The following TACC2 variants were observed in gnomAD, a reference collection of about 807,000 sequenced individuals.
TACC2 encodes transforming acidic coiled-coil containing protein 2.
A neutral mutation model predicts 227.3 loss-of-function variants in TACC2; 137 were observed. The ratio of observed to expected loss-of-function variants is 0.60; its 90% CI spans 0.52 to 0.69. The LOEUF is 0.69. TACC2 is among the 30% of genes least tolerant of loss of function. TACC2 has a pLI of 0.00. For synonymous variants in TACC2, 1,523 were observed against 1,487.5 expected (o/e 1.02, Z -0.55); for missense variants, 3,470 against 3,694.4 (o/e 0.94, Z 1.57).
At chr10:121,999,419 T>C (rs1953993953) in intron 1 of TACC2, among the ~76,000 whole-genome samples, 1 of 152,266 alleles carries the variant, frequency 6.6e-6, no homozygotes, top group Admixed American at 6.5e-5. Context: ...CAAGTTAGAA[T>C]CTGACAAAGT....
At chr10:122,220,121 C>T (rs2095495516) in intron 11 of TACC2, among the ~76,000 whole-genome samples, 2 of 151,818 alleles carry the variant, frequency 1.3e-5, no homozygotes, top group African/African-American at 4.8e-5. Context: ...GTTTTACCAT[C>T]AGGAACCAAA....
chr10:122,213,275 C>T (rs778898723), intron 9 of TACC2: 14 of 1,528,786 alleles, frequency 9.2e-6, no homozygotes, highest in Non-Finnish European at 1.3e-5. Context: ...AACCAGTTGT[C>T]TGCAGATTTA....
At chr10:122,011,743 A>G (rs1955953492) in intron 1 of TACC2, among the ~76,000 whole-genome samples, 1 of 152,140 alleles carries the variant, frequency 6.6e-6, no homozygotes, top group African/African-American at 2.4e-5. Flanking sequence ...GGGAATCTGA[A>G]ACAACATCTT....
chr10:122,052,819 A>G (rs1348774810), intron 3 of TACC2: 2 of 152,162 alleles, frequency 1.3e-5, no homozygotes, highest in Admixed American at 1.3e-4. Flanking sequence ...TAACTCAGAA[A>G]CCATCTATCG....
At chr10:122,131,419 T>C (rs2088084151) in intron 5 of TACC2, among the ~76,000 whole-genome samples, 1 of 152,148 alleles carries the variant, frequency 6.6e-6, no homozygotes, top group Non-Finnish European at 1.5e-5. Context: ...ACGATGGGTG[T>C]CCAAGGACTG....
intron 3 of TACC2, among the ~76,000 whole-genome samples, chr10:122,054,935 G>T (rs1222991676): frequency 1.3e-5 from 2 of 152,070 alleles, no homozygotes; most frequent in African/African-American, 4.8e-5. Context: ...TTTAAGAAGG[G>T]TGGGCAGGGC....
intron 4 of TACC2, 39 bp downstream of exon 4, chr10:122,087,998 A>G: frequency 6.7e-7 from 1 of 1,490,868 alleles, no homozygotes; most frequent in Non-Finnish European, 8.9e-7. Flanking sequence ...ATGTGTGGTC[A>G]GTTTCAAAGG....
chr10:122,138,464 C>T (rs561525444), intron 6 of TACC2, among the ~76,000 whole-genome samples: 17 of 151,874 alleles, frequency 1.1e-4, no homozygotes, highest in African/African-American at 3.1e-4. Context: ...GAGCCGAGAT[C>T]GTGCCATTGT....
Position 122,060,764 on chromosome 10 carries a change from G to A in TACC2, c.146+10214G>A, listed in dbSNP as rs548753009. Among the ~76,000 whole-genome samples the A allele has an allele frequency of 2.0e-5, 3 of 152,314 alleles. No individual in the cohort carries two copies. In the South Asian group the frequency reaches 6.2e-4, roughly 32 times the overall value. On this transcript the variant is annotated intron_variant, in intron 3 of 22. Coordinates refer to ENST00000369005, the MANE Select transcript of TACC2 (RefSeq NM_206862.4). ...TCATGTCTGTAATCCCAGCACTTTG[G>A]GAGGCCAAGGTGGGCGGATCACCTG...
In TACC2 at chr10:122,085,448, C is replaced by T; in HGVS notation, c.2948C>T (p.Thr983Ile). The T allele has an allele frequency of 6.2e-7, 1 of 1,613,840 alleles. No homozygotes were observed. The highest frequency in any genetic ancestry group is 8.5e-7 in the Non-Finnish European group (1 of 1,180,048). The change falls in exon 4 of 23, where the codon ACT becomes ATT. Residue 983 changes from threonine to isoleucine, a missense_variant. Coordinates refer to ENST00000369005, the MANE Select transcript of TACC2 (RefSeq NM_206862.4). The part of the protein sequence containing the change: ...SLAGNFSRKE[T>I]CCTGQGPNKS... ...GCAGGGAACTTCAGCAGAAAGGAAA[C>T]TTGCTGCACTGGGCAGGGGCCAAAC...
At chr10:122,233,380 G>A (rs1010575055) in intron 16 of TACC2, among the ~76,000 whole-genome samples, 2 of 152,192 alleles carry the variant, frequency 1.3e-5, no homozygotes, top group African/African-American at 4.8e-5. Context: ...ATATAAAGAC[G>A]GAAGGATGTG....
chr10:122,148,113 T>TG (rs1485204227), intron 7 of TACC2, among the ~76,000 whole-genome samples: 1 of 151,498 alleles, frequency 6.6e-6, no homozygotes, highest in African/African-American at 2.4e-5. Context: ...TTTTTTTTTT[T>TG]TTTTTTTTAG....
At chr10:122,237,293 CAA>C (rs1307131578) in intron 16 of TACC2, 100 bp from the exon 17 acceptor site, 1 of 1,181,756 alleles carries the variant, frequency 8.5e-7, no homozygotes, top group Non-Finnish European at 1.2e-6. Flanking sequence ...TTCTTTGTTT[CAA>C]AACCATACAA....
rs557082563 is a variant in TACC2, at chr10:122,063,353, C to T, written c.146+12803C>T. Among the ~76,000 whole-genome samples the T allele has an allele frequency of 3.3e-5, 5 of 152,190 alleles. No individual in the cohort carries two copies. In the South Asian group the frequency reaches 8.3e-4, roughly 25 times the overall value. On this transcript the variant is annotated intron_variant, in intron 3 of 22. Coordinates refer to ENST00000369005, the MANE Select transcript of TACC2 (RefSeq NM_206862.4). The stretch of plus-strand genomic sequence containing the variant: ...GTCGGGCAGAGCGCAGAGCAGCCTC[C>T]GCCCCTCCTTGTCCTGCTTCTGACT...
intron 3 of TACC2, among the ~76,000 whole-genome samples, chr10:122,069,252 T>TTA (rs2077752148): frequency 6.6e-6 from 1 of 151,758 alleles, no homozygotes; most frequent in Non-Finnish European, 1.5e-5. Context: ...TTATTTTTTT[T>TTA]TTTTTTTGAG....
intron 6 of TACC2, among the ~76,000 whole-genome samples, chr10:122,136,265 A>G (rs944389685): frequency 1.7e-4 from 26 of 151,666 alleles, no homozygotes; most frequent in African/African-American, 5.6e-4. Context: ...CACCTTGCCC[A>G]TCTGCTGGAG....
Position 122,254,108 on chromosome 10 carries a change from C to A in TACC2, c.*52C>A. 1 of 1,446,170 alleles carries A rather than the reference C, an allele frequency of 6.9e-7. No homozygotes were observed. The highest frequency in any genetic ancestry group is 9.7e-7 in the Non-Finnish European group (1 of 1,026,876). The allele number at this position is 1,446,170 out of a possible 1,614,324, so 89.6% of individuals were successfully genotyped here. A position where few individuals can be genotyped will look rare whatever the true frequency, so the allele number is the denominator to read the frequency against. ...CTGTTGCGTGCAATATGACCGTCGG[C>A]ACACTGCTGTTCCTCCAGTTCCATG... On this transcript the variant is annotated 3_prime_UTR_variant, in exon 23 of 23. Transcript: ENST00000369005.
intron 1 of TACC2, among the ~76,000 whole-genome samples, chr10:122,010,850 T>A (rs773898574): frequency 2.6e-5 from 4 of 152,068 alleles, no homozygotes; most frequent in Admixed American, 6.6e-5. Flanking sequence ...AGACAAGAAT[T>A]TATTTATTTA....
chr10:122,112,848 G>A (rs1415803870), intron 5 of TACC2, among the ~76,000 whole-genome samples: 1 of 152,084 alleles, frequency 6.6e-6, no homozygotes, highest in Non-Finnish European at 1.5e-5. Flanking sequence ...TGCGGCCGCG[G>A]GCCCCTCGGT....
Sources: allele counts gnomAD v4.1 joint callset (sites outside exome capture counted in the v4.1 genomes callset), GRCh38; gene constraint gnomAD v4.1.1; transcripts MANE v1.5; gene names NCBI Gene and HGNC (gene_info 2026-07-23, HGNC 2026-07-21).